VPS39: variants seen among roughly 807,000 people sequenced by gnomAD.
VPS39 encodes VPS39 subunit of HOPS complex.
In VPS39, 70 loss-of-function variants were observed where a neutral mutation model predicts 121.0. The ratio of observed to expected loss-of-function variants is 0.58; its 90% confidence interval spans 0.48 to 0.71. The LOEUF is 0.71. Ranked by LOEUF, VPS39 falls within the 30% of genes least tolerant of loss-of-function variation. The pLI, the probability that VPS39 is intolerant of heterozygous loss-of-function variation, is 0.00. For synonymous variants in VPS39, 378 were observed against 398.1 expected (o/e 0.95, Z 0.60); for missense variants, 818 against 1,051.5 (o/e 0.78, Z 3.07).
Position 42,163,368 on chromosome 15 carries a change from GT to G in VPS39, c.2156del (p.Asn719ThrfsTer101). Reference sequence around the variant, plus strand: ...TACTCACATCTTTGTTGCCATCTTTGTTTCGGTCATAGTGTTTGTGGCAGTA... The same window carrying G: ...TACTCACATCTTTGTTGCCATCTTTGTTCGGTCATAGTGTTTGTGGCAGTA... ...EEYCHKHYDR[N>X]KDGNKDVYLS... On this transcript the variant is annotated frameshift_variant, in exon 21 of 25. Transcript: ENST00000318006. LOFTEE classifies it high-confidence loss of function. 6.2e-7 allele frequency: 1 copy of G among 1,614,180 alleles called. No individual in the cohort carries two copies. Among genetic ancestry groups the G allele is most frequent in the East Asian group, 2.2e-5 (1 of 44,880 alleles).
In VPS39 at chr15:42,167,554, G is replaced by C. The variant is rs372784080; in HGVS notation, c.1234-17C>G. The C allele has an allele frequency of 5.0e-6, 8 of 1,613,452 alleles. No homozygotes were observed. In the African/African-American group the frequency reaches 1.1e-4, roughly 22 times the overall value. On this transcript the variant is annotated splice_polypyrimidine_tract_variant and intron_variant, in intron 12 of 24. Transcript: ENST00000318006. ...ACTTCGTTTCTGCAAAGGTCAAAAT[G>C]TGGGGTTAAGGCCAGGACTAAGTCT...
rs375413648 is a variant in VPS39 at position 42,163,724 on chromosome 15, G to A, written c.2031C>T (p.Leu677=). The A allele has an allele frequency of 1.8e-4, 285 of 1,609,092 alleles. No individual in the cohort carries two copies. Among genetic ancestry groups the A allele is most frequent in the Non-Finnish European group, 2.3e-4 (274 of 1,177,652 alleles). ...CCAACAGGAGAGCTCGTTCTTCTAAGAGGCCTAGGAGGAAAAGGAATATGA... is the reference window on the plus strand; with the variant it reads ...CCAACAGGAGAGCTCGTTCTTCTAAAAGGCCTAGGAGGAAAAGGAATATGA... ...RLICDFPFDG[L]LEERALLLGR... Residue 677 remains leucine (L), a synonymous_variant, in exon 20 of 25, where the codon CTC becomes CTT. Coordinates refer to ENST00000318006, the MANE Select transcript of VPS39 (RefSeq NM_015289.5).
intron 8 of VPS39, among the ~76,000 whole-genome samples, chr15:42,179,493 C>T (rs1411408956): frequency 6.6e-6 from 1 of 150,974 alleles, no homozygotes; most frequent in African/African-American, 2.4e-5. Context: ...AGGAGAATGG[C>T]GTGAACCTGG....
chr15:42,203,288 G>A (rs942244897), intron 1 of VPS39, among the ~76,000 whole-genome samples: 26 of 152,210 alleles, frequency 1.7e-4, no homozygotes, highest in African/African-American at 5.1e-4. Context: ...GGCCAACACA[G>A]TGGAAACCCA....
At chr15:42,192,793 T>G (rs1429397971) in intron 2 of VPS39, among the ~76,000 whole-genome samples, 1 of 152,198 alleles carries the variant, frequency 6.6e-6, no homozygotes, top group Non-Finnish European at 1.5e-5. Context: ...TTTTGTTTTT[T>G]TTTGAGACAG....
intron 2 of VPS39, among the ~76,000 whole-genome samples, chr15:42,195,044 C>T (rs1306610244): frequency 6.6e-6 from 1 of 152,012 alleles, no homozygotes; most frequent in Non-Finnish European, 1.5e-5. Context: ...GTCTAGAGAC[C>T]ACATTTTCAG....
Position 42,208,266 on chromosome 15 carries a change from G to A in VPS39, c.-113C>T, listed in dbSNP as rs1359256967. ...ACCGGGATCCGGCCAGGAACCCCCCGGCTACAGGCCCTTCAACAACACAGC... is the reference window on the plus strand; with the variant it reads ...ACCGGGATCCGGCCAGGAACCCCCCAGCTACAGGCCCTTCAACAACACAGC... On this transcript the variant is annotated 5_prime_UTR_variant, in exon 1 of 25. Transcript: ENST00000318006. The A allele has an allele frequency of 3.9e-5, 54 of 1,375,574 alleles. No individual in the cohort carries two copies. Among genetic ancestry groups the A allele is most frequent in the Admixed American group, 4.4e-5 (2 of 45,904 alleles). The allele number at this position is 1,375,574 out of a possible 1,614,324, so 85.2% of individuals were successfully genotyped here. A position where few individuals can be genotyped will look rare whatever the true frequency, so the allele number is the denominator to read the frequency against.
chr15:42,189,246 A>G lies in VPS39; in HGVS notation c.248-38T>C. ...AGGTATAACATCAGGATCAATGATC[A>G]TAATTCTCTAGCATAGCCACTATCG... On this transcript the variant is annotated intron_variant, in intron 4 of 24. Transcript: ENST00000318006. 5.8e-6 allele frequency: 9 copies of G among 1,541,192 alleles called. No homozygotes were observed. The East Asian group carries it at 6.7e-5, about 12-fold the overall frequency.
chr15:42,186,523 A>G (rs939298572), intron 7 of VPS39, among the ~76,000 whole-genome samples: 1 of 152,192 alleles, frequency 6.6e-6, no homozygotes. Flanking sequence ...TCTGAATTAC[A>G]AGGGGTGTGA....
At chr15:42,175,264 T>C (rs2049427233) in intron 10 of VPS39, among the ~76,000 whole-genome samples, 1 of 151,580 alleles carries the variant, frequency 6.6e-6, no homozygotes, top group African/African-American at 2.4e-5. Context: ...AAAAATTAGC[T>C]GGGCGTGGTG....
chr15:42,168,543 CTTTTTTTTT>C (rs773910224), intron 12 of VPS39, among the ~76,000 whole-genome samples: 1 of 136,758 alleles, frequency 7.3e-6, no homozygotes. Flanking sequence ...AATACTTCTT[CTTTTTTTTT>C]TTTTTTTTTG....
Position 42,178,482 on chromosome 15 carries a change from T to C in VPS39, c.807A>G (p.Glu269=), listed in dbSNP as rs750045209. 1 of 1,614,150 alleles carries C rather than the reference T, an allele frequency of 6.2e-7. No individual in the cohort carries two copies. The highest frequency in any genetic ancestry group is 8.5e-7 in the Non-Finnish European group (1 of 1,180,038). The change falls in exon 9 of 25, where the codon GAA becomes GAG. Residue 269 remains glutamate, a synonymous_variant. Transcript: ENST00000318006. ...FEPRLLVQSI[E]LQRPRFITSG... ...AGGTAATGAAACGGGGCCTTTGCAATTCAATGCTTTGGACCAGAAGCCTCG... is the reference window on the plus strand; with the variant it reads ...AGGTAATGAAACGGGGCCTTTGCAACTCAATGCTTTGGACCAGAAGCCTCG...
intron 8 of VPS39, 172 bp downstream of exon 8, chr15:42,184,344 AG>A (rs1345878170): frequency 1.9e-5 from 10 of 527,542 alleles, no homozygotes; most frequent in East Asian, 1.7e-4. Flanking sequence ...TGCAAGAACT[AG>A]ACTATCCCAT....
intron 2 of VPS39, among the ~76,000 whole-genome samples, chr15:42,194,164 A>AG (rs1424384598): frequency 6.6e-6 from 1 of 152,116 alleles, no homozygotes; most frequent in Non-Finnish European, 1.5e-5. Context: ...TTAAAAAAAA[A>AG]CAAAAACAAA....
At chr15:42,163,830 G>A (rs937866926) in intron 19 of VPS39, 102 bp from the exon 20 acceptor site, 1 of 758,828 alleles carries the variant, frequency 1.3e-6, no homozygotes, top group Non-Finnish European at 2.1e-6. Flanking sequence ...ATAAAGGGAA[G>A]ACAATAGGAT....
In VPS39 at chr15:42,163,681, C is replaced by A; in HGVS notation, c.2074G>T (p.Glu692Ter). The A allele has an allele frequency of 6.2e-7, 1 of 1,613,874 alleles. No homozygotes were observed. Among genetic ancestry groups the A allele is most frequent in the Non-Finnish European group, 8.5e-7 (1 of 1,179,928 alleles). ...TGGACATAAATGAAAAGAGCTTGTT[C>A]ATGTTTCCCCATGCGCCCCAACAGG... Reference protein sequence around the residue: ...ALLLGRMGKHEQALFIYVHIL... With the variant: ...ALLLGRMGKH The change falls in exon 20 of 25, where the codon GAA becomes TAA. Residue 692 changes from glutamate (E) to a stop codon, truncating the protein, a stop_gained. Coordinates refer to ENST00000318006, the MANE Select transcript of VPS39 (RefSeq NM_015289.5). LOFTEE classifies it high-confidence loss of function.
chr15:42,189,378 G>A (rs1372098283), intron 4 of VPS39, among the ~76,000 whole-genome samples, 170 bp from the exon 5 acceptor site: 1 of 152,164 alleles, frequency 6.6e-6, no homozygotes, highest in Non-Finnish European at 1.5e-5. Flanking sequence ...CCTATAACCA[G>A]TACAAAGCAT....
intron 21 of VPS39, 131 bp downstream of exon 21, chr15:42,163,219 A>C: frequency 9.0e-7 from 1 of 1,107,926 alleles, no homozygotes; most frequent in Non-Finnish European, 1.4e-6. Context: ...CCCTCAATAC[A>C]CACATGCAAG....
chr15:42,207,630 AG>A (rs914657917), intron 1 of VPS39, among the ~76,000 whole-genome samples: 21 of 152,322 alleles, frequency 1.4e-4, no homozygotes, highest in Admixed American at 1.4e-3. Flanking sequence ...GGGAAAAAAA[AG>A]CATATGGTGT....
Sources: allele counts gnomAD v4.1 joint callset (sites outside exome capture counted in the v4.1 genomes callset), GRCh38; gene constraint gnomAD v4.1.1; transcripts MANE v1.5; gene names NCBI Gene and HGNC (gene_info 2026-07-23, HGNC 2026-07-21).